The following KRR1 variants were observed in gnomAD, a reference collection of about 807,000 sequenced individuals.
The protein encoded by KRR1 is KRR1 small subunit processome component homolog.
A neutral mutation model predicts 50.0 loss-of-function variants in KRR1; 23 were observed. The observed-to-expected ratio is 0.46, with a 90% CI of 0.33 to 0.65. The LOEUF is 0.65. KRR1 is among the 30% of genes least tolerant of loss of function. The pLI is 0.02. For synonymous variants in KRR1, 133 were observed against 146.3 expected (o/e 0.91, Z 0.66); for missense variants, 419 against 442.4 (o/e 0.95, Z 0.47).
rs1298290988 is a variant in KRR1 at position 75,507,697 on chromosome 12, T to TAC, written c.258+575_258+576dup. Reference sequence around the variant, plus strand: ...ATTTTATATCACAACCTAATACATATACACACACACACAAACAAAGCCAAT... The same window carrying TAC: ...ATTTTATATCACAACCTAATACATATACACACACACACACAAACAAAGCCAAT... On this transcript the variant is annotated intron_variant, in intron 2 of 9. Transcript: ENST00000229214. Among the ~76,000 whole-genome samples the TAC allele has an allele frequency of 1.1e-4, 17 of 151,802 alleles. No homozygotes were observed. The East Asian group carries it at 1.7e-3, about 16-fold the overall frequency.
rs748103405 is a variant in KRR1 at position 75,502,011 on chromosome 12, C to T, written c.832-11G>A. ...CAATTCTTTATCGATCTGTTGAAAA[C>T]GGTATTTACAATTACATCAGAAATA... On this transcript the variant is annotated splice_polypyrimidine_tract_variant and intron_variant, in intron 7 of 9. Coordinates refer to ENST00000229214, the MANE Select transcript of KRR1 (RefSeq NM_007043.7). 24 of 1,600,370 alleles carry T rather than the reference C, an allele frequency of 1.5e-5. No individual in the cohort carries two copies. The highest frequency in any genetic ancestry group is 6.7e-5 in the African/African-American group (5 of 74,522).
intron 2 of KRR1, among the ~76,000 whole-genome samples, chr12:75,508,049 A>G (rs1030494380): frequency 6.6e-6 from 1 of 152,180 alleles, no homozygotes; most frequent in Non-Finnish European, 1.5e-5. Context: ...TAAAATATTA[A>G]AGGTATGTAA....
rs773919757 is a variant in KRR1 at position 75,501,712 on chromosome 12, GAAAGC to G, written c.1003+6_1003+10del. ...AATTAATAAAGACTTTTACATCATA[GAAAGC>G]ATTACCTTCCTTAGGTTTCACAATT... On this transcript the variant is annotated splice_donor_region_variant and intron_variant, in intron 9 of 9. Coordinates refer to ENST00000229214, the MANE Select transcript of KRR1 (RefSeq NM_007043.7). 200 of 1,546,214 alleles carry G rather than the reference GAAAGC, an allele frequency of 1.3e-4. 1 individual carries two copies. The South Asian group carries it at 2.1e-3, about 17-fold the overall frequency.
intron 9 of KRR1, 33 bp from the exon 10 acceptor site, chr12:75,499,984 C>T: frequency 6.5e-7 from 1 of 1,533,826 alleles, no homozygotes; most frequent in South Asian, 1.2e-5. Context: ...ACATGTAATA[C>T]TTTAGATTTT....
In KRR1 at chr12:75,511,607, G is replaced by A. The variant is rs1210777908; in HGVS notation, c.-10C>T. ...GCGAGGGAGACGCCATTTGCAAGCTGCTTCCGGTGGCTCCGGAAATGAAAC... is the reference window on the plus strand; with the variant it reads ...GCGAGGGAGACGCCATTTGCAAGCTACTTCCGGTGGCTCCGGAAATGAAAC... On this transcript the variant is annotated 5_prime_UTR_variant, in exon 1 of 10. Coordinates refer to ENST00000229214, the MANE Select transcript of KRR1 (RefSeq NM_007043.7). 1.9e-6 allele frequency: 3 copies of A among 1,612,880 alleles called. No individual in the cohort carries two copies. The highest frequency in any genetic ancestry group is 4.5e-5 in the East Asian group (2 of 44,880).
In KRR1 at chr12:75,498,647, G is replaced by C; in HGVS notation, c.*1162C>G. 6.7e-7 allele frequency: 1 copy of C among 1,498,274 alleles called. No homozygotes were observed. The allele number at this position is 1,498,274 out of a possible 1,614,324, so 92.8% of individuals were successfully genotyped here. A position where few individuals can be genotyped will look rare whatever the true frequency, so the allele number is the denominator to read the frequency against. ...GCTTTTTAAAATAAAACTCTCAACT[G>C]TGTCTACCCTTTTAATTTTTTTTCT... On this transcript the variant is annotated 3_prime_UTR_variant, in exon 10 of 10. Transcript: ENST00000229214.
Position 75,495,507 on chromosome 12 carries a change from G to A in KRR1, c.*4302C>T, listed in dbSNP as rs1156529254. 5 of 772,998 alleles carry A rather than the reference G, an allele frequency of 6.5e-6. No homozygotes were observed. The African/African-American group carries it at 6.9e-5, about 11-fold the overall frequency. The allele number at this position is 772,998 out of a possible 1,614,324, so 47.9% of individuals were successfully genotyped here. On this transcript the variant is annotated 3_prime_UTR_variant, in exon 10 of 10. Transcript: ENST00000229214. ...CCACTATTCTTCTGGATTTAGTTAA[G>A]GATTCATAGTAAATTGCAATTTTAA...
rs761148574 is a variant in KRR1, at chr12:75,499,812, CT to C, written c.1142del (p.Lys381SerfsTer8). The stretch of plus-strand genomic sequence containing the variant: ...TAGTCAAGGAGTTTTGGGTATGTTA[CT>C]TTTTTTTCTTCTTTTTCTTTTCATC... ...EADEKKKKKK[K>X] On this transcript the variant is annotated frameshift_variant, in exon 10 of 10. Coordinates refer to ENST00000229214, the MANE Select transcript of KRR1 (RefSeq NM_007043.7). LOFTEE classifies it high-confidence loss of function. 6.3e-6 allele frequency: 10 copies of C among 1,595,134 alleles called. No homozygotes were observed. The highest frequency in any genetic ancestry group is 3.4e-5 in the South Asian group (3 of 87,788).
In KRR1 at chr12:75,501,998, G is replaced by A. The variant is rs746830762; in HGVS notation, c.834C>T (p.Ile278=). The stretch of plus-strand genomic sequence containing the variant: ...ATTCACCACTAGCCAATTCTTTATC[G>A]ATCTGTTGAAAACGGTATTTACAAT... ...PFPPPQPESQ[I]DKELASGEYF... Residue 278 remains isoleucine, a splice_region_variant and synonymous_variant, in exon 8 of 10, where the codon ATC becomes ATT. Coordinates refer to ENST00000229214, the MANE Select transcript of KRR1 (RefSeq NM_007043.7). 3.7e-6 allele frequency: 6 copies of A among 1,609,536 alleles called. No individual in the cohort carries two copies. Among genetic ancestry groups the A allele is most frequent in the Middle Eastern group, 1.9e-4 (1 of 5,160 alleles).
chr12:75,495,455 C>A lies in KRR1; in HGVS notation c.*4354G>T. On this transcript the variant is annotated 3_prime_UTR_variant, in exon 10 of 10. Coordinates refer to ENST00000229214, the MANE Select transcript of KRR1 (RefSeq NM_007043.7). ...GCCTTCCTGTCTTCACTTCTATTAC[C>A]AACTCTCTGGACCTTTGTACTTCAC... 1 of 599,576 alleles carries A rather than the reference C, an allele frequency of 1.7e-6. No homozygotes were observed. Among genetic ancestry groups the A allele is most frequent in the Non-Finnish European group, 3.1e-6 (1 of 324,962 alleles). 37.1% of individuals were successfully genotyped at this position (599,576 alleles called of 1,614,324 possible). A position where few individuals can be genotyped will look rare whatever the true frequency, so the allele number is the denominator to read the frequency against.
chr12:75,495,478 C>A lies in KRR1; in HGVS notation c.*4331G>T. The A allele has an allele frequency of 1.5e-6, 1 of 669,212 alleles. No homozygotes were observed. Among genetic ancestry groups the A allele is most frequent in the South Asian group, 1.7e-5 (1 of 58,174 alleles). The allele number at this position is 669,212 out of a possible 1,614,324, so 41.5% of individuals were successfully genotyped here. ...ACCAACTCTCTGGACCTTTGTACTT[C>A]ACTCCACTATTCTTCTGGATTTAGT... On this transcript the variant is annotated 3_prime_UTR_variant, in exon 10 of 10. Coordinates refer to ENST00000229214, the MANE Select transcript of KRR1 (RefSeq NM_007043.7).
At chr12:75,501,366 C>A (rs1296428148) in intron 9 of KRR1, 6 of 185,112 alleles carry the variant, frequency 3.2e-5, no homozygotes, top group African/African-American at 1.4e-4. Flanking sequence ...AGAAAAAGTA[C>A]AACTTCTGAT....
In KRR1 at chr12:75,497,670, C is replaced by G. The variant is rs1308353094; in HGVS notation, c.*2139G>C. 1 of 152,104 alleles carries G rather than the reference C, an allele frequency of 6.6e-6. No homozygotes were observed. Among genetic ancestry groups the G allele is most frequent in the Non-Finnish European group, 1.5e-5 (1 of 68,024 alleles). The allele number at this position is 152,104 out of a possible 1,614,324, so 9.4% of individuals were successfully genotyped here. ...GATAAAAGCTTTTATTTAACAGATT[C>G]CTTCTCAGACAAATTATGGCAAGCA... is the stretch of plus-strand genomic sequence containing the variant. On this transcript the variant is annotated 3_prime_UTR_variant, in exon 10 of 10. Coordinates refer to ENST00000229214, the MANE Select transcript of KRR1 (RefSeq NM_007043.7).
intron 2 of KRR1, among the ~76,000 whole-genome samples, chr12:75,507,507 G>C (rs1038198283): frequency 1.3e-4 from 20 of 151,992 alleles, no homozygotes; most frequent in African/African-American, 4.4e-4. Flanking sequence ...TTTCAACATA[G>C]TTAAGTGCTG....
chr12:75,495,628 C>T lies in KRR1; in HGVS notation c.*4181G>A. On this transcript the variant is annotated 3_prime_UTR_variant, in exon 10 of 10. Coordinates refer to ENST00000229214, the MANE Select transcript of KRR1 (RefSeq NM_007043.7). The stretch of plus-strand genomic sequence containing the variant: ...AGAGAGGAGCCACCTGCAGTGCCTG[C>T]CCCAATAATGACAAGTGTTTGGACA... 6.2e-7 allele frequency: 1 copy of T among 1,610,346 alleles called. No homozygotes were observed. The highest frequency in any genetic ancestry group is 1.1e-5 in the South Asian group (1 of 90,942).
chr12:75,492,597 C>A lies in KRR1; in HGVS notation c.*7212G>T, dbSNP rs1369336244. Reference sequence around the variant, plus strand: ...TTTGTAAGTATTCATGATTTTTATTCATTAAAGTATAAATGTAAATTTTCC... The same window carrying A: ...TTTGTAAGTATTCATGATTTTTATTAATTAAAGTATAAATGTAAATTTTCC... On this transcript the variant is annotated 3_prime_UTR_variant, in exon 10 of 10. Transcript: ENST00000229214. 6.6e-6 allele frequency: 1 copy of A among 152,140 alleles called. No individual in the cohort carries two copies. Among genetic ancestry groups the A allele is most frequent in the Non-Finnish European group, 1.5e-5 (1 of 68,032 alleles). 9.4% of individuals were successfully genotyped at this position (152,140 alleles called of 1,614,324 possible). A position where few individuals can be genotyped will look rare whatever the true frequency, so the allele number is the denominator to read the frequency against.
intron 9 of KRR1, chr12:75,501,281 C>T (rs2046391890): frequency 6.4e-6 from 1 of 156,508 alleles, no homozygotes; most frequent in Admixed American, 6.3e-5. Context: ...TGTCAGCATC[C>T]TTTAGTCTAA....
chr12:75,502,096 G>A, intron 7 of KRR1, 96 bp from the exon 8 acceptor site: 12 of 919,838 alleles, frequency 1.3e-5, no homozygotes, highest in South Asian at 7.1e-5. Flanking sequence ...AAAACAATGG[G>A]GTCAAACTGA....
chr12:75,511,285 T>G (rs966117223), intron 1 of KRR1, among the ~76,000 whole-genome samples: 2 of 152,224 alleles, frequency 1.3e-5, no homozygotes, highest in African/African-American at 4.8e-5. Context: ...CGCAACAGCT[T>G]CGCTTTGGGG....
Sources: gnomAD v4.1 joint callset for allele counts (sites outside exome capture counted in the v4.1 genomes callset) on GRCh38, gnomAD v4.1.1 for gene constraint, MANE v1.5 for transcripts, NCBI Gene and HGNC (gene_info 2026-07-23, HGNC 2026-07-21) for gene names.